CFAP54: variants seen among roughly 807,000 people sequenced by gnomAD.
CFAP54 encodes cilia- and flagella-associated protein 54.
Under a neutral mutation model 370.4 loss-of-function variants are expected in CFAP54, and 290 were observed. The ratio of observed to expected loss-of-function variants is 0.78; its 90% CI spans 0.71 to 0.86. CFAP54 has a LOEUF of 0.86. Ranked by LOEUF, CFAP54 falls within the 40% of genes least tolerant of loss-of-function variation. The pLI, the probability that CFAP54 is intolerant of heterozygous loss-of-function variation, is 0.00. For synonymous variants in CFAP54, 1,206 were observed against 1,236.5 expected, an observed-to-expected ratio of 0.98 and a Z score of 0.52; for missense variants, 3,399 against 3,528.7, an observed-to-expected ratio of 0.96 and a Z score of 0.93.
intron 60 of CFAP54, among the ~76,000 whole-genome samples, chr12:96,778,815 A>G (rs1305978116): frequency 6.6e-6 from 1 of 152,142 alleles, no homozygotes; most frequent in Non-Finnish European, 1.5e-5. Flanking sequence ...ACAGAAAAGA[A>G]CACAAATCAT....
intron 17 of CFAP54, among the ~76,000 whole-genome samples, chr12:96,560,707 T>C (rs1487209299): frequency 6.6e-6 from 1 of 152,170 alleles, no homozygotes; most frequent in African/African-American, 2.4e-5. Flanking sequence ...AATCGTTTTA[T>C]TAAGCTGATG....
At chr12:96,705,174 G>A (rs537378389) in intron 47 of CFAP54, among the ~76,000 whole-genome samples, 5 of 152,252 alleles carry the variant, frequency 3.3e-5, no homozygotes, top group Non-Finnish European at 7.4e-5. Context: ...AGAACCAGAC[G>A]ACAGTTAATG....
intron 5 of CFAP54, among the ~76,000 whole-genome samples, chr12:96,513,724 C>G (rs563314159): frequency 1.1e-4 from 16 of 151,172 alleles, no homozygotes; most frequent in Non-Finnish European, 1.8e-4. Flanking sequence ...GCCTGGGTGA[C>G]AGAGCAAGAC....
intron 31 of CFAP54, 118 bp downstream of exon 31, chr12:96,630,322 C>A: frequency 1.7e-6 from 1 of 592,810 alleles, no homozygotes; most frequent in Non-Finnish European, 2.8e-6. Flanking sequence ...TACTAACAAG[C>A]ATAATTTTAT....
At chr12:96,749,480 G>A (rs1262854724) in intron 55 of CFAP54, among the ~76,000 whole-genome samples, 1 of 152,214 alleles carries the variant, frequency 6.6e-6, no homozygotes, top group Admixed American at 6.5e-5. Flanking sequence ...TTGTTAAGAA[G>A]ATGTTAAATG....
At chr12:96,541,165 T>C (rs1160200922) in intron 14 of CFAP54, among the ~76,000 whole-genome samples, 178 bp downstream of exon 14, 1 of 152,214 alleles carries the variant, frequency 6.6e-6, no homozygotes, top group African/African-American at 2.4e-5. Flanking sequence ...TAAGGTTTCA[T>C]GCTCTCTGAT....
At chr12:96,546,927 A>G (rs2136393612) in intron 14 of CFAP54, among the ~76,000 whole-genome samples, 1 of 152,306 alleles carries the variant, frequency 6.6e-6, no homozygotes, top group Non-Finnish European at 1.5e-5. Context: ...AATGGGCTAA[A>G]TAAAATTTAA....
In CFAP54 at chr12:96,581,045, T is replaced by G; in HGVS notation, c.3015T>G (p.Thr1005=). Residue 1005 remains threonine (T), a synonymous_variant, in exon 22 of 68, where the codon ACT becomes ACG. Transcript: ENST00000524981. ...TCGGTGGTGCTATTGGGGAGACAAC[T>G]AAACCAATTCTGGTTTATCCCCCTC... is the stretch of plus-strand genomic sequence containing the variant. ...KLVGGAIGET[T]KPILVYPPLS... 1 of 1,531,948 alleles carries G rather than the reference T, an allele frequency of 6.5e-7. No individual in the cohort carries two copies. Among genetic ancestry groups the G allele is most frequent in the African/African-American group, 1.4e-5 (1 of 72,958 alleles). The allele number at this position is 1,531,948 out of a possible 1,614,324, so 94.9% of individuals were successfully genotyped here. A position where few individuals can be genotyped will look rare whatever the true frequency, so the allele number is the denominator to read the frequency against.
At chr12:96,654,116 A>G (rs1565930051) in intron 36 of CFAP54, among the ~76,000 whole-genome samples, 1 of 152,348 alleles carries the variant, frequency 6.6e-6, no homozygotes, top group African/African-American at 2.4e-5. Flanking sequence ...AAACCTTCAC[A>G]TAAAGAAAAT....
chr12:96,601,904 C>A (rs951396794), intron 26 of CFAP54, among the ~76,000 whole-genome samples: 4 of 152,148 alleles, frequency 2.6e-5, no homozygotes, highest in Admixed American at 6.6e-5. Context: ...TTTCAAAAAA[C>A]GAGCTCCTGG....
At chr12:96,785,620 G>C (rs1201581573) in intron 61 of CFAP54, among the ~76,000 whole-genome samples, 1 of 152,158 alleles carries the variant, frequency 6.6e-6, no homozygotes, top group African/African-American at 2.4e-5. Flanking sequence ...ATGGGGGCTA[G>C]AGCAAGGGAA....
chr12:96,874,626 TATTTTA>T (rs1192825789), intron 67 of CFAP54, among the ~76,000 whole-genome samples: 16,206 of 33,674 alleles, frequency 0.48, 5,930 homozygotes, highest in East Asian at 0.7. Context: ...TTTTTATTTT[TATTTTA>T]TTTTTTTTTT....
chr12:96,540,896 T>C lies in CFAP54; in HGVS notation c.1986T>C (p.Ile662=). The change falls in exon 14 of 68, where the codon ATT becomes ATC. Residue 662 remains isoleucine, a synonymous_variant. Transcript: ENST00000524981. ...EVIHCYKMED[I]DIVVVAEVTL... ...TTCACTGCTATAAAATGGAAGACAT[T>C]GACATTGTGGTAGTGGCAGAAGTCA... 1 of 1,517,148 alleles carries C rather than the reference T, an allele frequency of 6.6e-7. No individual in the cohort carries two copies. Among genetic ancestry groups the C allele is most frequent in the South Asian group, 1.3e-5 (1 of 79,570 alleles). The allele number at this position is 1,517,148 out of a possible 1,614,324, so 94.0% of individuals were successfully genotyped here.
At chr12:96,543,303 G>A (rs1374695993) in intron 14 of CFAP54, among the ~76,000 whole-genome samples, 1 of 152,206 alleles carries the variant, frequency 6.6e-6, no homozygotes, top group Admixed American at 6.5e-5. Context: ...TGAGACAGCG[G>A]AGGAAAGGAA....
intron 60 of CFAP54, among the ~76,000 whole-genome samples, chr12:96,776,980 C>T (rs1189602503): frequency 2.6e-5 from 4 of 152,242 alleles, no homozygotes; most frequent in South Asian, 2.1e-4. Context: ...AATTCTAAAT[C>T]GTTACTTCAA....
chr12:96,835,306 C>T (rs538165410), intron 66 of CFAP54, among the ~76,000 whole-genome samples: 2 of 152,094 alleles, frequency 1.3e-5, no homozygotes, highest in Non-Finnish European at 2.9e-5. Flanking sequence ...GTTGTCCGAT[C>T]GTCTACTCTG....
intron 63 of CFAP54, among the ~76,000 whole-genome samples, chr12:96,795,604 C>G (rs1278470096): frequency 1.3e-5 from 2 of 151,858 alleles, no homozygotes; most frequent in African/African-American, 4.8e-5. Flanking sequence ...CCCACATGGC[C>G]CAAAAGTCCA....
chr12:96,747,425 A>G (rs553486751), intron 55 of CFAP54, among the ~76,000 whole-genome samples: 1 of 152,324 alleles, frequency 6.6e-6, no homozygotes, highest in Non-Finnish European at 1.5e-5. Context: ...AACACATATA[A>G]CTTTTGTAAC....
chr12:96,618,430 A>G (rs1956446668), intron 26 of CFAP54, among the ~76,000 whole-genome samples: 1 of 152,206 alleles, frequency 6.6e-6, no homozygotes. Context: ...TAGTCTGGAC[A>G]GGAGATTCGC....
Sources: allele counts gnomAD v4.1 joint callset (sites outside exome capture counted in the v4.1 genomes callset), GRCh38; gene constraint gnomAD v4.1.1; transcripts MANE v1.5; gene names NCBI Gene and HGNC (gene_info 2026-07-23, HGNC 2026-07-21).